The following HERC1 variants were observed in gnomAD, a reference collection of about 807,000 sequenced individuals.
HERC1 encodes HECT and RLD domain containing E3 ubiquitin protein ligase family member 1, also known as probable E3 ubiquitin-protein ligase HERC1.
In HERC1, 160 loss-of-function variants were observed where a neutral mutation model predicts 554.3. The observed-to-expected ratio is 0.29, with a 90% confidence interval of 0.25 to 0.33. The LOEUF is 0.33. HERC1 is among the 10% of genes least tolerant of loss of function. The pLI, the probability that HERC1 is intolerant of heterozygous loss-of-function variation, is 1.00. For synonymous variants in HERC1, 2,175 were observed against 2,131.7 expected, an observed-to-expected ratio of 1.02 and a Z score of -0.56; for missense variants, 4,919 against 5,918.5, an observed-to-expected ratio of 0.83 and a Z score of 5.54.
chr15:63,627,795 G>A (rs1348826520), intron 70 of HERC1, among the ~76,000 whole-genome samples: 1 of 152,180 alleles, frequency 6.6e-6, no homozygotes, highest in African/African-American at 2.4e-5. Flanking sequence ...ATCAGAAAGG[G>A]CCCACAGTTG....
rs2075433057 is a variant in HERC1 at position 63,756,858 on chromosome 15, C to T, written c.1222-110G>A. ...AAGGAAGTCTTTTAGCAGGATACGG[C>T]ATGATTCTCCAGAGAGATTAAGGAA... is the stretch of plus-strand genomic sequence containing the variant. On this transcript the variant is annotated intron_variant, in intron 4 of 77. Transcript: ENST00000443617. This position sits in a 1 kb window ranked among gnomAD's most constrained non-coding sequence, Gnocchi z 5.0. The T allele has an allele frequency of 3.1e-6, 2 of 652,104 alleles. No individual in the cohort carries two copies. The highest frequency in any genetic ancestry group is 5.1e-6 in the Non-Finnish European group (2 of 390,974). The allele number at this position is 652,104 out of a possible 1,614,324, so 40.4% of individuals were successfully genotyped here. A position where few individuals can be genotyped will look rare whatever the true frequency, so the allele number is the denominator to read the frequency against.
chr15:63,810,468 T>C (rs924659864), intron 1 of HERC1, among the ~76,000 whole-genome samples: 4 of 152,066 alleles, frequency 2.6e-5, no homozygotes, highest in African/African-American at 7.2e-5. Flanking sequence ...ACTAGAGTGG[T>C]TGAAAATCTC....
Position 63,680,917 on chromosome 15 carries a change from T to C in HERC1, c.6226-141A>G. On this transcript the variant is annotated intron_variant, in intron 34 of 77. Transcript: ENST00000443617. The surrounding 1 kb of genome is among the most constrained non-coding windows in gnomAD (Gnocchi z 5.8). ...ATGTTATTTTCAGCATAAATAAAAATAACACGAAAATAATCGCATCAATTT... is the reference window on the plus strand; with the variant it reads ...ATGTTATTTTCAGCATAAATAAAAACAACACGAAAATAATCGCATCAATTT... The C allele has an allele frequency of 1.6e-6, 1 of 610,402 alleles. No homozygotes were observed. Among genetic ancestry groups the C allele is most frequent in the Non-Finnish European group, 2.8e-6 (1 of 356,294 alleles). 37.8% of individuals were successfully genotyped at this position (610,402 alleles called of 1,614,324 possible). A position where few individuals can be genotyped will look rare whatever the true frequency, so the allele number is the denominator to read the frequency against.
intron 38 of HERC1, 114 bp downstream of exon 38, chr15:63,674,228 A>T (rs1490812730): frequency 2.0e-5 from 15 of 757,974 alleles, no homozygotes; most frequent in Non-Finnish European, 2.6e-5. Flanking sequence ...TGCTTTGACC[A>T]AAAAAAAAAT....
chr15:63,739,469 T>G (rs1187376008), intron 12 of HERC1, among the ~76,000 whole-genome samples: 1 of 151,320 alleles, frequency 6.6e-6, no homozygotes. Flanking sequence ...AGTGCTGGGA[T>G]TATAGGCGTG....
At chr15:63,789,859 T>A (rs1396052773) in intron 1 of HERC1, among the ~76,000 whole-genome samples, 2 of 142,328 alleles carry the variant, frequency 1.4e-5, no homozygotes, top group East Asian at 3.9e-4. Flanking sequence ...TCTAGACATT[T>A]TTATTATTTA....
intron 1 of HERC1, among the ~76,000 whole-genome samples, chr15:63,792,649 C>T (rs1476794810): frequency 6.6e-6 from 1 of 152,100 alleles, no homozygotes; most frequent in African/African-American, 2.4e-5. Context: ...CGAAAGAACT[C>T]AGTTTCTTCC....
Position 63,775,198 on chromosome 15 carries a change from A to G in HERC1, c.426T>C (p.Asp142=), listed in dbSNP as rs1455580185. The G allele has an allele frequency of 1.9e-6, 3 of 1,613,920 alleles. No homozygotes were observed. Among genetic ancestry groups the G allele is most frequent in the African/African-American group, 2.7e-5 (2 of 74,948 alleles). ...GGGGGCGTTCACTAACAGAATGGAC[A>G]TCTGCTGAACCAGAACTGCTCTCCG... The part of the protein sequence containing the change: ...HSPESSSGSA[D]VHSVSERPRS... The change falls in exon 2 of 78, where the codon GAT becomes GAC. Residue 142 remains aspartate (D), a synonymous_variant. Transcript: ENST00000443617. This position sits in a 1 kb window ranked among gnomAD's most constrained non-coding sequence, Gnocchi z 4.0.
chr15:63,626,216 T>G (rs1429019519), intron 70 of HERC1, 62 bp from the exon 71 acceptor site: 6 of 1,545,352 alleles, frequency 3.9e-6, no homozygotes, highest in Non-Finnish European at 5.3e-6. Context: ...TTTCACATTT[T>G]GAAAAATTTC....
chr15:63,833,024 A>G (rs1157183848), intron 1 of HERC1, among the ~76,000 whole-genome samples: 1 of 152,190 alleles, frequency 6.6e-6, no homozygotes, highest in African/African-American at 2.4e-5. Flanking sequence ...CTCTAAGATA[A>G]CATGTCTTTT....
chr15:63,768,142 T>C (rs1226149070), intron 2 of HERC1, among the ~76,000 whole-genome samples: 4 of 152,370 alleles, frequency 2.6e-5, no homozygotes, highest in Non-Finnish European at 5.9e-5. Context: ...TCTTCAGATC[T>C]CTGATTCTAT....
rs1449326257 is a variant in HERC1, at chr15:63,747,809, T to C, written c.2269A>G (p.Thr757Ala). Residue 757 changes from threonine to alanine, a missense_variant, in exon 11 of 78, where the codon ACC becomes GCC. Transcript: ENST00000443617. ...AGAAAAGAACGCAGGTGTGAGAAGG[T>C]ACTCTCTTCAAGATCTACACAATAA... ...RPYCVDLEES[T>A]FSHLRSFLER... The C allele has an allele frequency of 6.8e-7, 1 of 1,471,218 alleles. No individual in the cohort carries two copies. Among genetic ancestry groups the C allele is most frequent in the Non-Finnish European group, 9.0e-7 (1 of 1,106,818 alleles). 91.1% of individuals were successfully genotyped at this position (1,471,218 alleles called of 1,614,324 possible). A position where few individuals can be genotyped will look rare whatever the true frequency, so the allele number is the denominator to read the frequency against.
At chr15:63,647,697 G>C (rs1346770697) in intron 55 of HERC1, among the ~76,000 whole-genome samples, 1 of 152,194 alleles carries the variant, frequency 6.6e-6, no homozygotes, top group Non-Finnish European at 1.5e-5. Context: ...GGTATTTTAA[G>C]CAACATGGTT....
rs754240261 is a variant in HERC1 at position 63,645,063 on chromosome 15, T to C, written c.11113A>G (p.Ile3705Val). Residue 3705 changes from isoleucine to valine, a missense_variant, in exon 57 of 78, where the codon ATT (isoleucine) becomes GTT (valine). By Grantham distance (29) the Ile-to-Val change is conservative. Transcript: ENST00000443617. ...TTGGTCTGTGTAGTATCTTGAGGAA[T>C]GCGCCAAACACATACTAAGCCACTC... ...CQSGLVCVWR[I>V]PQDTTQTNVT... 4.3e-6 allele frequency: 7 copies of C among 1,613,766 alleles called. No homozygotes were observed. Among genetic ancestry groups the C allele is most frequent in the Non-Finnish European group, 5.9e-6 (7 of 1,179,838 alleles).
chr15:63,788,698 C>T (rs991127193), intron 1 of HERC1, among the ~76,000 whole-genome samples: 11 of 151,994 alleles, frequency 7.2e-5, no homozygotes, highest in African/African-American at 2.4e-4. Flanking sequence ...AGGTGGATCA[C>T]CTGAGGTCAG....
intron 27 of HERC1, among the ~76,000 whole-genome samples, chr15:63,695,230 T>TTTTGCCATA (rs1555422357): frequency 6.6e-6 from 1 of 151,690 alleles, no homozygotes; most frequent in Non-Finnish European, 1.5e-5. Flanking sequence ...AGAGACAGGG[T>TTTTGCCATA]TTCGCCATAT....
rs1428690596 is a variant in HERC1, at chr15:63,692,935, C to T, written c.5675-369G>A. Among the ~76,000 whole-genome samples, 1 of 152,138 alleles carries T rather than the reference C, an allele frequency of 6.6e-6. No individual in the cohort carries two copies. Among genetic ancestry groups the T allele is most frequent in the African/African-American group, 2.4e-5 (1 of 41,436 alleles). On this transcript the variant is annotated intron_variant, in intron 30 of 77. Transcript: ENST00000443617. This position sits in a 1 kb window ranked among gnomAD's most constrained non-coding sequence, Gnocchi z 4.7. The stretch of plus-strand genomic sequence containing the variant: ...ATGGCTCACATCTGTAATCCCAGCA[C>T]TTTGGGAGGTCGAGGCGGGCGGATC...
chr15:63,827,309 C>G (rs920427336), intron 1 of HERC1, among the ~76,000 whole-genome samples: 9 of 151,954 alleles, frequency 5.9e-5, no homozygotes, highest in African/African-American at 2.2e-4. Context: ...GTAGTCCCAG[C>G]TACTTGGGTG....
chr15:63,827,916 AC>A (rs1336475377), intron 1 of HERC1, among the ~76,000 whole-genome samples: 1 of 152,246 alleles, frequency 6.6e-6, no homozygotes, highest in African/African-American at 2.4e-5. Context: ...ATCCATTAAC[AC>A]AAAACATCCA....
Sources: gnomAD v4.1 joint callset for allele counts (sites outside exome capture counted in the v4.1 genomes callset) on GRCh38, gnomAD v4.1.1 for gene constraint, Gnocchi (gnomAD v3.1) non-coding constraint, MANE v1.5 for transcripts, NCBI Gene and HGNC (gene_info 2026-07-23, HGNC 2026-07-21) for gene names.